PRSS23: variants seen among roughly 807,000 people sequenced by gnomAD.
PRSS23 encodes serine protease 23, also known as protease, serine 23.
In PRSS23, 25 loss-of-function variants were observed where a neutral mutation model predicts 34.7. The observed-to-expected ratio is 0.72, with a 90% CI of 0.53 to 1.01. The LOEUF (loss-of-function observed/expected upper bound fraction) is 1.01. Ranked by LOEUF, PRSS23 falls within the 50% of genes least tolerant of loss-of-function variation. PRSS23 has a pLI of 0.00. For missense variants in PRSS23, 445 were observed against 475.6 expected (o/e 0.94, Z 0.60); for synonymous variants, 176 against 186.6 (o/e 0.94, Z 0.46).
chr11:86,811,662 T>G (rs912767325), downstream of PRSS23, among the ~76,000 whole-genome samples: 2 of 152,208 alleles, frequency 1.3e-5, no homozygotes, highest in African/African-American at 4.8e-5. Context: ...ACCAAGGTCA[T>G]GCTCCCAATT....
At chr11:86,910,764 T>C (rs1038477860) in intron 2 of PRSS23, 1 of 152,200 alleles carries the variant, frequency 6.6e-6, no homozygotes, top group African/African-American at 2.4e-5. Context: ...GACAATACTT[T>C]TAAAACTACA....
At chr11:86,852,920 C>G (rs2134920847) in intron 2 of PRSS23, among the ~76,000 whole-genome samples, 1 of 152,326 alleles carries the variant, frequency 6.6e-6, no homozygotes, top group East Asian at 1.9e-4. Context: ...GTGGCATGAT[C>G]TCGGCTCACT....
At chr11:86,887,059 G>C (rs1159805035) in intron 2 of PRSS23, among the ~76,000 whole-genome samples, 2 of 152,202 alleles carry the variant, frequency 1.3e-5, no homozygotes, top group African/African-American at 2.4e-5. Flanking sequence ...ATTATCCCCA[G>C]TTTATAGATG....
intron 2 of PRSS23, chr11:86,909,558 AAGAGG>A: frequency 6.6e-6 from 1 of 152,396 alleles, no homozygotes; most frequent in Admixed American, 6.5e-5. Flanking sequence ...ATTCAAGGCT[AAGAGG>A]AGAGGCTGGC....
intron 2 of PRSS23, among the ~76,000 whole-genome samples, chr11:86,905,613 T>C (rs979207301): frequency 2.0e-4 from 30 of 152,328 alleles, no homozygotes; most frequent in African/African-American, 6.7e-4. Context: ...CTGAAAGGCA[T>C]AAAAAGTCTC....
chr11:86,824,172 GC>G, intron 2 of PRSS23, among the ~76,000 whole-genome samples: 2 of 151,598 alleles, frequency 1.3e-5, no homozygotes, highest in Non-Finnish European at 2.9e-5. Context: ...GCCGGGCATG[GC>G]CCCGTATGCC....
At chr11:86,934,064 T>C (rs967456393) in intron 2 of PRSS23, 2 of 152,196 alleles carry the variant, frequency 1.3e-5, no homozygotes, top group Admixed American at 6.5e-5. Flanking sequence ...TCACACTCTA[T>C]TTTTCAAATT....
chr11:86,940,315 G>T (rs1356574937), intron 2 of PRSS23, among the ~76,000 whole-genome samples: 1 of 152,184 alleles, frequency 6.6e-6, no homozygotes, highest in East Asian at 1.9e-4. Context: ...TGTATCGGGT[G>T]TGCAGAGCAA....
At chr11:86,822,926 C>T (rs1948264087) in intron 1 of PRSS23, among the ~76,000 whole-genome samples, 1 of 152,190 alleles carries the variant, frequency 6.6e-6, no homozygotes, top group Non-Finnish European at 1.5e-5. Flanking sequence ...AAGCCATTGA[C>T]CAGAACCAGG....
At chr11:86,814,808 T>C (rs575560508), downstream of PRSS23, among the ~76,000 whole-genome samples, 1 of 152,280 alleles carries the variant, frequency 6.6e-6, no homozygotes, top group East Asian at 1.9e-4. Context: ...AATGGGGTGG[T>C]GCAGACATGG....
At chr11:86,802,725 G>C (rs970349449) in intron 1 of PRSS23, among the ~76,000 whole-genome samples, 1 of 152,214 alleles carries the variant, frequency 6.6e-6, no homozygotes, top group African/African-American at 2.4e-5. Flanking sequence ...TTTGCTATAG[G>C]AGTTAAATCA....
intron 2 of PRSS23, among the ~76,000 whole-genome samples, chr11:86,900,784 T>C (rs1171194709): frequency 2.2e-4 from 31 of 141,142 alleles, no homozygotes; most frequent in Middle Eastern, 3.5e-3. Flanking sequence ...TCTCTCTCTT[T>C]TTTTTTTTTT....
At chr11:86,829,939 G>T (rs977424956) in intron 2 of PRSS23, among the ~76,000 whole-genome samples, 2 of 152,160 alleles carry the variant, frequency 1.3e-5, no homozygotes, top group Admixed American at 6.5e-5. Context: ...GGTGTCAGGG[G>T]TCAGGGACCC....
intron 1 of PRSS23, chr11:86,821,495 G>T (rs1948251314): frequency 6.2e-7 from 1 of 1,610,686 alleles, no homozygotes; most frequent in Admixed American, 1.7e-5. Flanking sequence ...TTTATGAGCT[G>T]CACAAAGAAA....
chr11:86,863,043 C>T (rs964105416), intron 2 of PRSS23, among the ~76,000 whole-genome samples: 4 of 152,056 alleles, frequency 2.6e-5, no homozygotes, highest in African/African-American at 7.3e-5. Flanking sequence ...TGTGGGAGCA[C>T]ATCCTGTGAT....
intron 2 of PRSS23, among the ~76,000 whole-genome samples, chr11:86,931,472 GCA>G (rs1180835993): frequency 6.6e-6 from 1 of 152,030 alleles, no homozygotes; most frequent in African/African-American, 2.4e-5. Flanking sequence ...TGAAAAAAAA[GCA>G]CAGATGTGTA....
intron 2 of PRSS23, among the ~76,000 whole-genome samples, chr11:86,939,982 G>C (rs1289268034): frequency 6.6e-6 from 1 of 152,132 alleles, no homozygotes; most frequent in African/African-American, 2.4e-5. Flanking sequence ...ATCTACATGG[G>C]AGACATGACT....
intron 2 of PRSS23, among the ~76,000 whole-genome samples, chr11:86,885,123 AT>A (rs1948794037): frequency 6.6e-6 from 1 of 152,206 alleles, no homozygotes; most frequent in Non-Finnish European, 1.5e-5. Context: ...TAAAATAAGT[AT>A]TCGGTGATTA....
chr11:86,868,622 A>G (rs533795338), intron 2 of PRSS23, among the ~76,000 whole-genome samples: 4 of 152,222 alleles, frequency 2.6e-5, no homozygotes, highest in Admixed American at 6.5e-5. Context: ...CATCTAATTT[A>G]GGTCATTGCA....
Sources: gnomAD v4.1 joint callset for allele counts (sites outside exome capture counted in the v4.1 genomes callset) on GRCh38, gnomAD v4.1.1 for gene constraint, MANE v1.5 for transcripts, NCBI Gene and HGNC (gene_info 2026-07-23, HGNC 2026-07-21) for gene names.